The following AFTPH variants were observed in gnomAD, a reference collection of about 807,000 sequenced individuals.
AFTPH encodes the protein aftiphilin.
AFTPH carries 7 observed loss-of-function variants against 72.5 expected under a neutral mutation model. The observed-to-expected ratio is 0.10, with a 90% CI of 0.05 to 0.18. The LOEUF is 0.18. Among genes scored for constraint, AFTPH ranks in the 10% least tolerant of loss-of-function variants. The pLI, the probability that AFTPH is intolerant of heterozygous loss-of-function variation, is 1.00. For missense variants in AFTPH, 979 were observed against 1,060.5 expected, an observed-to-expected ratio of 0.92 and a Z score of 1.07; for synonymous variants, 337 against 370.1, an observed-to-expected ratio of 0.91 and a Z score of 1.03.
At chr2:64,555,420 G>A (rs1671292463) in intron 2 of AFTPH, among the ~76,000 whole-genome samples, 1 of 151,942 alleles carries the variant, frequency 6.6e-6, no homozygotes, top group African/African-American at 2.4e-5. Flanking sequence ...AATTAGCTGG[G>A]CGTGGTGACG....
chr2:64,532,956 CATATGTGTAATTA>C, intron 1 of AFTPH, among the ~76,000 whole-genome samples: 1 of 152,262 alleles, frequency 6.6e-6, no homozygotes, highest in South Asian at 2.1e-4. Context: ...TACCGTTTGA[CATATGTGTAATTA>C]AGTAGATAAT....
chr2:64,587,145 A>AC (rs1236296301), intron 8 of AFTPH, among the ~76,000 whole-genome samples: 1 of 151,570 alleles, frequency 6.6e-6, no homozygotes, highest in East Asian at 1.9e-4. Flanking sequence ...AATCTAGAGA[A>AC]CTCTTCCAAG....
chr2:64,526,792 C>A (rs1031861595), intron 1 of AFTPH, among the ~76,000 whole-genome samples: 5 of 152,140 alleles, frequency 3.3e-5, no homozygotes, highest in Non-Finnish European at 7.4e-5. Flanking sequence ...TATATTGCTT[C>A]CTATGAGCAA....
At chr2:64,576,734 A>G (rs1388203118) in intron 6 of AFTPH, among the ~76,000 whole-genome samples, 1 of 152,152 alleles carries the variant, frequency 6.6e-6, no homozygotes, top group African/African-American at 2.4e-5. Context: ...AAAAGAAAAA[A>G]TGATTATGTA....
chr2:64,555,131 C>T (rs895754081), intron 2 of AFTPH, among the ~76,000 whole-genome samples: 1 of 151,996 alleles, frequency 6.6e-6, no homozygotes, highest in Non-Finnish European at 1.5e-5. Flanking sequence ...AAGGTAATAC[C>T]TACTTCAAAG....
chr2:64,555,557 A>ACT (rs1671303815), intron 2 of AFTPH, among the ~76,000 whole-genome samples: 1 of 54,572 alleles, frequency 1.8e-5, no homozygotes, highest in African/African-American at 1.1e-4. Context: ...AGAGACTGTC[A>ACT]CACACACACA....
intron 8 of AFTPH, among the ~76,000 whole-genome samples, 197 bp downstream of exon 9, chr2:64,585,742 AAG>A (rs1470535754): frequency 6.6e-6 from 1 of 152,196 alleles, no homozygotes; most frequent in Admixed American, 6.5e-5. Context: ...ATTATTTCAT[AAG>A]AGATTGGCCA....
At chr2:64,581,430 T>C (rs1255560350) in intron 7 of AFTPH, among the ~76,000 whole-genome samples, 157 bp downstream of exon 8, 2 of 152,194 alleles carry the variant, frequency 1.3e-5, no homozygotes, top group African/African-American at 4.8e-5. Flanking sequence ...AGTATCTGAT[T>C]ACAAAAAAAT....
chr2:64,551,832 A>G (rs767615768), exon 2 of AFTPH: 1 of 1,613,602 alleles, frequency 6.2e-7, no homozygotes, highest in South Asian at 1.1e-5. Context: ...TTCATCTGAA[A>G]TGTTAGCTAC....
chr2:64,548,883 G>A (rs1044517640), intron 1 of AFTPH, among the ~76,000 whole-genome samples: 9 of 152,012 alleles, frequency 5.9e-5, no homozygotes, highest in African/African-American at 1.7e-4. Flanking sequence ...TGCTAATTTC[G>A]TAAGAAAGAT....
rs757071012 is a variant in AFTPH, at chr2:64,591,866, T to C, written c.2580-19T>C. On this transcript the variant is annotated intron_variant, in intron 8 of 8. Coordinates refer to ENST00000238856, the Ensembl canonical transcript of AFTPH. ...CAGCAAAGTCACATTAACACACTTG[T>C]CTTTTTTTCATTTGTCAGTAGGAAA... 7 of 1,612,956 alleles carry C rather than the reference T, an allele frequency of 4.3e-6. No homozygotes were observed. In the East Asian group the frequency reaches 1.3e-4, roughly 31 times the overall value.
chr2:64,532,734 G>C (rs976610114), intron 1 of AFTPH, among the ~76,000 whole-genome samples: 4 of 152,148 alleles, frequency 2.6e-5, no homozygotes, highest in African/African-American at 7.2e-5. Context: ...TGGCTAGGCT[G>C]TAAAGATGAA....
intron 2 of AFTPH, among the ~76,000 whole-genome samples, chr2:64,562,717 A>G (rs1323287464): frequency 6.6e-6 from 1 of 152,222 alleles, no homozygotes; most frequent in Non-Finnish European, 1.5e-5. Flanking sequence ...GGTGGGCACT[A>G]TGTGAGCATT....
intron 5 of AFTPH, among the ~76,000 whole-genome samples, chr2:64,572,593 A>G (rs1672505411): frequency 6.6e-6 from 1 of 152,218 alleles, no homozygotes; most frequent in Non-Finnish European, 1.5e-5. Flanking sequence ...TCTGTACTTT[A>G]AAACCTCTGA....
chr2:64,573,365 A>G (rs1222599878), intron 6 of AFTPH, among the ~76,000 whole-genome samples: 2 of 151,980 alleles, frequency 1.3e-5, no homozygotes, highest in African/African-American at 2.4e-5. Flanking sequence ...AGGTATCTCT[A>G]AAGTCCCTTA....
chr2:64,533,370 G>T (rs1435366423), intron 1 of AFTPH, among the ~76,000 whole-genome samples: 1 of 152,140 alleles, frequency 6.6e-6, no homozygotes, highest in Non-Finnish European at 1.5e-5. Context: ...CTGCACTCCA[G>T]CCTGTTCAAC....
At chr2:64,587,141 G>C (rs1673566260) in intron 8 of AFTPH, among the ~76,000 whole-genome samples, 1 of 152,136 alleles carries the variant, frequency 6.6e-6, no homozygotes, top group Admixed American at 6.5e-5. Context: ...GCTGAATCTA[G>C]AGAACTCTTC....
exon 2 of AFTPH, chr2:64,553,309 T>A: frequency 6.2e-7 from 1 of 1,614,122 alleles, no homozygotes; most frequent in South Asian, 1.1e-5. Context: ...GATGAAAATA[T>A]TGATACTCCA....
At chr2:64,578,022 ACCATCCCTATC>A (rs1672928547) in intron 6 of AFTPH, among the ~76,000 whole-genome samples, 1 of 152,110 alleles carries the variant, frequency 6.6e-6, no homozygotes, top group Non-Finnish European at 1.5e-5. Flanking sequence ...CTGCCCCACA[ACCATCCCTATC>A]CCATCCCTTA....
Sources: gnomAD v4.1 joint callset for allele counts (sites outside exome capture counted in the v4.1 genomes callset) on GRCh38, gnomAD v4.1.1 for gene constraint, MANE v1.5 for transcripts, NCBI Gene and HGNC (gene_info 2026-07-23, HGNC 2026-07-21) for gene names.